METTL22: variants seen among roughly 807,000 people sequenced by gnomAD.
METTL22 encodes methyltransferase 22, Kin17 lysine.
METTL22 carries 51 observed loss-of-function variants against 48.4 expected under a neutral mutation model. The ratio of observed to expected loss-of-function variants is 1.05; its 90% CI spans 0.84 to 1.33. METTL22 has a LOEUF of 1.33. Among genes scored for constraint, METTL22 ranks in the 40% most tolerant of loss-of-function variants. METTL22 has a pLI of 0.00. For missense variants in METTL22, 678 were observed against 526.9 expected (o/e 1.29, Z -2.81); for synonymous variants, 255 against 214.1 (o/e 1.19, Z -1.67).
rs1047760215 is a variant in METTL22 at position 8,642,381 on chromosome 16, C to G, written c.908-82C>G. On this transcript the variant is annotated intron_variant, in intron 8 of 10. Coordinates refer to ENST00000381920, the MANE Select transcript of METTL22 (RefSeq NM_024109.4). The stretch of plus-strand genomic sequence containing the variant: ...GCTGTTCCGTGGTGATAAGCATTCT[C>G]TCTGTGCGGATTGCTCTGAAAAGTC... The G allele has an allele frequency of 3.7e-6, 5 of 1,367,716 alleles. No homozygotes were observed. In the African/African-American group the frequency reaches 4.3e-5, roughly 12 times the overall value. 84.7% of individuals were successfully genotyped at this position (1,367,716 alleles called of 1,614,324 possible). A position where few individuals can be genotyped will look rare whatever the true frequency, so the allele number is the denominator to read the frequency against.
At chr16:8,659,856 C>G in the METTL22 span, among the ~76,000 whole-genome samples, 1 of 151,518 alleles carries the variant, frequency 6.6e-6, no homozygotes, top group African/African-American at 2.4e-5. Flanking sequence ...CACCAAGTAG[C>G]TGGGATTACA....
rs767052519 is a variant in METTL22 at position 8,628,743 on chromosome 16, A to G, written c.147A>G (p.Gln49=). ...NSVGQPVFLS[Q]FKLLWSQDSW... ...CTTGCCTTTCAGTTTTCCTGTCCCA[A>G]TTCAAGCTTCTATGGAGCCAAGACT... Residue 49 remains glutamine (Q), a synonymous_variant, in exon 3 of 11, where the codon CAA becomes CAG. Transcript: ENST00000381920. 25 of 1,607,454 alleles carry G rather than the reference A, an allele frequency of 1.6e-5. No homozygotes were observed. Among genetic ancestry groups the G allele is most frequent in the Admixed American group, 5.1e-5 (3 of 58,974 alleles).
intron 2 of METTL22, among the ~76,000 whole-genome samples, chr16:8,626,535 G>A (rs1188034502): frequency 1.4e-5 from 2 of 143,620 alleles, no homozygotes; most frequent in East Asian, 4.3e-4. Context: ...TGCAACCTCC[G>A]CCTCCCGGGT....
At chr16:8,630,563 C>G (rs1227902693) in intron 3 of METTL22, among the ~76,000 whole-genome samples, 1 of 152,178 alleles carries the variant, frequency 6.6e-6, no homozygotes, top group Non-Finnish European at 1.5e-5. Flanking sequence ...TCATTTCCCT[C>G]TGAGCCCTCA....
chr16:8,625,587 C>G lies in METTL22; in HGVS notation c.-79C>G. 1.3e-6 allele frequency: 2 copies of G among 1,504,616 alleles called. No individual in the cohort carries two copies. Among genetic ancestry groups the G allele is most frequent in the African/African-American group, 1.4e-5 (1 of 73,118 alleles). 93.2% of individuals were successfully genotyped at this position (1,504,616 alleles called of 1,614,324 possible). On this transcript the variant is annotated 5_prime_UTR_variant, in exon 2 of 11. Coordinates refer to ENST00000381920, the MANE Select transcript of METTL22 (RefSeq NM_024109.4). ...CAGCTTGGACCTGTCTGCAGTATCT[C>G]CTCTGGGACCTGCCATGCTGAGGAC...
intron 8 of METTL22, 84 bp from the exon 9 acceptor site, chr16:8,642,377 TTC>T: frequency 7.4e-7 from 1 of 1,356,460 alleles, no homozygotes; most frequent in South Asian, 1.2e-5. Flanking sequence ...GTGATAAGCA[TTC>T]TCTCTGTGCG....
Position 8,642,174 on chromosome 16 carries a change from T to A in METTL22, c.874T>A (p.Tyr292Asn), listed in dbSNP as rs1199356684. 1 of 1,613,796 alleles carries A rather than the reference T, an allele frequency of 6.2e-7. No individual in the cohort carries two copies. The highest frequency in any genetic ancestry group is 1.1e-5 in the South Asian group (1 of 91,076). The change falls in exon 8 of 11, where the codon TAC becomes AAC. Residue 292 changes from tyrosine to asparagine, a missense_variant. By Grantham distance (143) the Tyr-to-Asn change is moderately radical (BLOSUM62 -2). Transcript: ENST00000381920. ...GTCACAAGAGGAAATTTCTGACTTG[T>A]ACGATCACACCACCATCCTGTTTGC... ...SWSQEEISDL[Y>N]DHTTILFAAE...
At chr16:8,622,769 C>A (rs2055898770) in intron 1 of METTL22, among the ~76,000 whole-genome samples, 1 of 152,164 alleles carries the variant, frequency 6.6e-6, no homozygotes, top group Non-Finnish European at 1.5e-5. Flanking sequence ...AAGAGGGCCT[C>A]CTTATTCCCA....
chr16:8,627,399 G>A (rs2056097400), intron 2 of METTL22, among the ~76,000 whole-genome samples: 1 of 151,984 alleles, frequency 6.6e-6, no homozygotes, highest in Non-Finnish European at 1.5e-5. Flanking sequence ...AAGATACAAG[G>A]CCAGGGAGAA....
intron 1 of METTL22, among the ~76,000 whole-genome samples, chr16:8,622,923 G>T (rs539214105): frequency 3.0e-4 from 46 of 152,204 alleles, no homozygotes; most frequent in Non-Finnish European, 4.4e-4. Context: ...GAGTTTTTTT[G>T]TGTGTGTCTA....
At chr16:8,633,329 G>A (rs558703316) in intron 3 of METTL22, among the ~76,000 whole-genome samples, 66 of 152,232 alleles carry the variant, frequency 4.3e-4, no homozygotes, top group Non-Finnish European at 5.7e-4. Context: ...GGCCGGGCAC[G>A]GTGGCTCACA....
At chr16:8,633,785 C>G (rs965034584) in intron 3 of METTL22, among the ~76,000 whole-genome samples, 8 of 152,264 alleles carry the variant, frequency 5.3e-5, no homozygotes, top group African/African-American at 1.9e-4. Context: ...AGCCCAGTGC[C>G]TCATGCAGAG....
At chr16:8,634,204 CAG>C in intron 3 of METTL22, among the ~76,000 whole-genome samples, 1 of 152,336 alleles carries the variant, frequency 6.6e-6, no homozygotes, top group East Asian at 1.9e-4. Context: ...GAGGAGCCCT[CAG>C]AGAACAGTGG....
chr16:8,635,268 C>G lies in METTL22; in HGVS notation c.656C>G (p.Ala219Gly). 1 of 1,603,950 alleles carries G rather than the reference C, an allele frequency of 6.2e-7. No homozygotes were observed. The highest frequency in any genetic ancestry group is 8.5e-7 in the Non-Finnish European group (1 of 1,175,340). ...ALELGAGTGLASIIAATMART... is the reference protein window; with the variant it reads ...ALELGAGTGLGSIIAATMART... ...GAGCTCGGGGCCGGCACGGGGCTCG[C>G]TAGCATCATCGCAGCCACCATGGCA... is the stretch of plus-strand genomic sequence containing the variant. The change falls in exon 5 of 11, where the codon GCT becomes GGT. Residue 219 changes from alanine to glycine, a missense_variant. By Grantham distance (60) the Ala-to-Gly change is moderately conservative. Transcript: ENST00000381920.
Position 8,625,520 on chromosome 16 carries a change from C to A in METTL22, c.-146C>A, listed in dbSNP as rs2056016270. 1 of 593,788 alleles carries A rather than the reference C, an allele frequency of 1.7e-6. No homozygotes were observed. Among genetic ancestry groups the A allele is most frequent in the Non-Finnish European group, 2.7e-6 (1 of 364,600 alleles). 36.8% of individuals were successfully genotyped at this position (593,788 alleles called of 1,614,324 possible). A position where few individuals can be genotyped will look rare whatever the true frequency, so the allele number is the denominator to read the frequency against. ...GCTGGATTCTCTTCCCTGGCCAAGT[C>A]TCTGAGATCTTCTCCCAGGGCGATG... On this transcript the variant is annotated 5_prime_UTR_variant, in exon 2 of 11. Coordinates refer to ENST00000381920, the MANE Select transcript of METTL22 (RefSeq NM_024109.4).
At chr16:8,630,172 A>C (rs2056207775) in intron 3 of METTL22, among the ~76,000 whole-genome samples, 1 of 140,832 alleles carries the variant, frequency 7.1e-6, no homozygotes, top group Non-Finnish European at 1.5e-5. Flanking sequence ...AAAACAGACA[A>C]AACAGCAGCT....
At chr16:8,661,720 T>C in the METTL22 span, among the ~76,000 whole-genome samples, 1 of 144,050 alleles carries the variant, frequency 6.9e-6, no homozygotes, top group Middle Eastern at 3.5e-3. Context: ...TATTTTATTC[T>C]ATTTTATTTT....
chr16:8,623,267 C>T lies in METTL22; in HGVS notation c.-171+1492C>T, dbSNP rs139766258. 2.7e-5 allele frequency among the ~76,000 whole-genome samples: 4 copies of T among 150,690 alleles called. No individual in the cohort carries two copies. The East Asian group carries it at 5.8e-4, about 22-fold the overall frequency. On this transcript the variant is annotated intron_variant, in intron 1 of 10. Transcript: ENST00000381920. The stretch of plus-strand genomic sequence containing the variant: ...CGGAGGTTGTAGTGAGCCGAGATGG[C>T]ACCACTGCACTCTAGCCTGGGCAAC...
At chr16:8,639,220 C>T in intron 6 of METTL22, 58 bp downstream of exon 6, 2 of 1,535,278 alleles carry the variant, frequency 1.3e-6, no homozygotes, top group South Asian at 1.1e-5. Flanking sequence ...GCAGATAGGA[C>T]AGACACCCAA....
Sources: allele counts gnomAD v4.1 joint callset (sites outside exome capture counted in the v4.1 genomes callset), GRCh38; gene constraint gnomAD v4.1.1; transcripts MANE v1.5; gene names NCBI Gene and HGNC (gene_info 2026-07-23, HGNC 2026-07-21).